Variants in AGPAT3 observed in about 807,000 individuals in gnomAD.
AGPAT3 encodes the protein 1-acylglycerol-3-phosphate O-acyltransferase 3.
AGPAT3 carries 5 observed loss-of-function variants against 47.3 expected under a neutral mutation model. The observed-to-expected ratio is 0.11, with a 90% confidence interval of 0.06 to 0.22. The LOEUF (loss-of-function observed/expected upper bound fraction) is 0.22, where lower values mean the gene tolerates loss of function less well. Ranked by LOEUF, AGPAT3 falls within the 10% of genes least tolerant of loss-of-function variation. The pLI, the probability that AGPAT3 is intolerant of heterozygous loss-of-function variation, is 1.00. For synonymous variants in AGPAT3, 212 were observed against 208.3 expected (o/e 1.02, Z -0.15); for missense variants, 315 against 493.0 (o/e 0.64, Z 3.42).
chr21:43,892,440 A>C (rs918654720), intron 1 of AGPAT3, among the ~76,000 whole-genome samples: 1 of 152,220 alleles, frequency 6.6e-6, no homozygotes, highest in East Asian at 1.9e-4. Flanking sequence ...GACCACGTGC[A>C]TTGGCAATGA....
chr21:43,885,787 G>C (rs1206907100), intron 1 of AGPAT3, among the ~76,000 whole-genome samples: 1 of 152,174 alleles, frequency 6.6e-6, no homozygotes. Flanking sequence ...ATACGGCCGG[G>C]GTTTGTGGCA....
intron 1 of AGPAT3, among the ~76,000 whole-genome samples, chr21:43,881,743 C>T (rs957126343): frequency 6.6e-6 from 1 of 152,198 alleles, no homozygotes; most frequent in African/African-American, 2.4e-5. Context: ...GCAACCTCTG[C>T]CTCCTGAGTT....
chr21:43,932,946 G>T lies in AGPAT3; in HGVS notation c.-48-26688G>T, dbSNP rs2087303976. 6.6e-6 allele frequency among the ~76,000 whole-genome samples: 1 copy of T among 152,126 alleles called. No homozygotes were observed. Among genetic ancestry groups the T allele is most frequent in the African/African-American group, 2.4e-5 (1 of 41,416 alleles). The stretch of plus-strand genomic sequence containing the variant: ...ATTACAGGTGTGAGCCACCGCCCTG[G>T]GCCAGTAGTTCCATTTTTGACTTTT... On this transcript the variant is annotated intron_variant, in intron 2 of 9. Transcript: ENST00000291572. This position sits in a 1 kb window ranked among gnomAD's most constrained non-coding sequence, Gnocchi z 5.2.
intron 1 of AGPAT3, among the ~76,000 whole-genome samples, chr21:43,868,396 T>C (rs1299009334): frequency 6.6e-6 from 1 of 152,138 alleles, no homozygotes; most frequent in Non-Finnish European, 1.5e-5. Flanking sequence ...TAGCGTGCCC[T>C]GTGTCACTTA....
At chr21:43,892,525 C>A (rs1041295236) in intron 1 of AGPAT3, among the ~76,000 whole-genome samples, 6 of 152,168 alleles carry the variant, frequency 3.9e-5, no homozygotes, top group African/African-American at 1.4e-4. Flanking sequence ...ATTCAGTAAA[C>A]CATGCTGTAA....
rs2089860270 is a variant in AGPAT3, at chr21:43,981,765, G to A, written c.1043-539G>A. On this transcript the variant is annotated intron_variant, in intron 9 of 9. Transcript: ENST00000291572. This position sits in a 1 kb window ranked among gnomAD's most constrained non-coding sequence, Gnocchi z 5.3. ...ACAGTCCGTGTGCATCGCCCCGTGA[G>A]CCGACTCCCCAGGCCCAGCAGCTGG... Among the ~76,000 whole-genome samples the A allele has an allele frequency of 6.6e-6, 1 of 152,044 alleles. No homozygotes were observed. The highest frequency in any genetic ancestry group is 2.1e-4 in the South Asian group (1 of 4,808).
rs2087190159 is a variant in AGPAT3 at position 43,930,104 on chromosome 21, G to A, written c.-49+26085G>A. Among the ~76,000 whole-genome samples, 1 of 152,198 alleles carries A rather than the reference G, an allele frequency of 6.6e-6. No homozygotes were observed. The highest frequency in any genetic ancestry group is 1.5e-5 in the Non-Finnish European group (1 of 68,036). ...CCCGTTTTCACGTTCAGGAAGTCAC[G>A]AATCCACAGTGTCTTTGAAGAAAGT... On this transcript the variant is annotated intron_variant, in intron 2 of 9. Transcript: ENST00000291572. This position sits in a 1 kb window ranked among gnomAD's most constrained non-coding sequence, Gnocchi z 5.0.
At chr21:43,938,782 G>A (rs546866934) in intron 2 of AGPAT3, among the ~76,000 whole-genome samples, 5 of 152,288 alleles carry the variant, frequency 3.3e-5, no homozygotes, top group African/African-American at 1.2e-4. Flanking sequence ...ACACAGCTGC[G>A]GAGGGTCAGG....
chr21:43,917,063 TC>T (rs1179386913), intron 2 of AGPAT3, among the ~76,000 whole-genome samples: 1 of 152,014 alleles, frequency 6.6e-6, no homozygotes, highest in Non-Finnish European at 1.5e-5. Context: ...CTGTTTCCTC[TC>T]CCCACTCCCG....
rs764614195 is a variant in AGPAT3 at position 43,969,743 on chromosome 21, G to C, written c.510+464G>C. 5.1e-4 allele frequency among the ~76,000 whole-genome samples: 78 copies of C among 152,048 alleles called. 1 individual carries two copies. Among genetic ancestry groups the C allele is most frequent in the Non-Finnish European group, 9.7e-4 (66 of 68,014 alleles). On this transcript the variant is annotated intron_variant, in intron 5 of 9. Transcript: ENST00000291572. The stretch of plus-strand genomic sequence containing the variant: ...AACGGAGTCTCGCTCTGTCGCCCAG[G>C]CTGGAGTGCAGTGGTGCAATCTCGG...
chr21:43,915,059 T>C (rs1315981136), intron 2 of AGPAT3, among the ~76,000 whole-genome samples: 1 of 152,130 alleles, frequency 6.6e-6, no homozygotes, highest in Non-Finnish European at 1.5e-5. Flanking sequence ...TGATGATTAT[T>C]TCCTCTTTTG....
At chr21:43,866,396 G>A (rs537145535) in intron 1 of AGPAT3, among the ~76,000 whole-genome samples, 164 of 152,244 alleles carry the variant, frequency 1.1e-3, no homozygotes, top group Middle Eastern at 0.01. Flanking sequence ...GAGGTGGGGC[G>A]GGCGGCGGGC....
In AGPAT3 at chr21:43,985,976, C is replaced by G. The variant is rs993645549; in HGVS notation, c.*3584C>G. 1 of 152,302 alleles carries G rather than the reference C, an allele frequency of 6.6e-6. No homozygotes were observed. Among genetic ancestry groups the G allele is most frequent in the African/African-American group, 2.4e-5 (1 of 41,454 alleles). 9.4% of individuals were successfully genotyped at this position (152,302 alleles called of 1,614,324 possible). ...TGCCCCTTTCTCTACTGAGCTAGTC[C>G]CCAAACCAAAGGCAAGCCCCCTCGG... On this transcript the variant is annotated 3_prime_UTR_variant, in exon 10 of 10. Coordinates refer to ENST00000291572, the MANE Select transcript of AGPAT3 (RefSeq NM_020132.5).
chr21:43,872,001 T>C (rs935083443), intron 1 of AGPAT3, among the ~76,000 whole-genome samples: 2 of 152,198 alleles, frequency 1.3e-5, no homozygotes, highest in African/African-American at 4.8e-5. Context: ...TATTTTTCTG[T>C]AGAAGTTGTA....
At chr21:43,901,107 T>A (rs62228708) in intron 1 of AGPAT3, among the ~76,000 whole-genome samples, 5 of 151,674 alleles carry the variant, frequency 3.3e-5, no homozygotes, top group African/African-American at 7.3e-5. Flanking sequence ...TTCAAGACCC[T>A]CTGGGGCCAC....
In AGPAT3 at chr21:43,915,176, C is replaced by T. The variant is rs545810786; in HGVS notation, c.-49+11157C>T. Among the ~76,000 whole-genome samples the T allele has an allele frequency of 2.1e-4, 31 of 150,466 alleles. 1 individual carries two copies. The South Asian group carries it at 4.0e-3, about 19-fold the overall frequency. ...AAGTGATTCTCCTGCCTCAGCCTCC[C>T]GAGTAGCTGGGATTACAGGTGCGCG... On this transcript the variant is annotated intron_variant, in intron 2 of 9. Coordinates refer to ENST00000291572, the MANE Select transcript of AGPAT3 (RefSeq NM_020132.5).
rs2089370913 is a variant in AGPAT3 at position 43,970,984 on chromosome 21, A to G, written c.664+178A>G. 6.6e-6 allele frequency among the ~76,000 whole-genome samples: 1 copy of G among 152,226 alleles called. No homozygotes were observed. The highest frequency in any genetic ancestry group is 2.1e-4 in the South Asian group (1 of 4,832). ...CCCGCGTCAGGTTTTGAGGTGATAA[A>G]ATGCTAATTCATGAGAAACAATTAA... On this transcript the variant is annotated intron_variant, in intron 6 of 9. Transcript: ENST00000291572. The surrounding 1 kb of genome is among the most constrained non-coding windows in gnomAD (Gnocchi z 5.8).
Position 43,955,899 on chromosome 21 carries a change from C to CAAA in AGPAT3, c.-48-3720_-48-3718dup, listed in dbSNP as rs58314121. ...TGGGCAACAGTGAGATAATCTGTCT[C>CAAA]AAAAAAAAAAAAAAAAATCAGATTC... On this transcript the variant is annotated intron_variant, in intron 2 of 9. Transcript: ENST00000291572. This position sits in a 1 kb window ranked among gnomAD's most constrained non-coding sequence, Gnocchi z 4.1. Among the ~76,000 whole-genome samples the CAAA allele has an allele frequency of 8.1e-3, 1,010 of 124,900 alleles. 13 individuals carry two copies. Among genetic ancestry groups the CAAA allele is most frequent in the Middle Eastern group, 0.053 (13 of 244 alleles). The allele number at this position is 124,900 out of a possible 152,430, so 81.9% of individuals were successfully genotyped here.
chr21:43,873,870 A>G (rs551292184), intron 1 of AGPAT3, among the ~76,000 whole-genome samples: 1 of 151,706 alleles, frequency 6.6e-6, no homozygotes, highest in Admixed American at 6.6e-5. Flanking sequence ...CATTTTCTCC[A>G]CTGTGTCTTT....
Sources: gnomAD v4.1 joint callset for allele counts (sites outside exome capture counted in the v4.1 genomes callset) on GRCh38, gnomAD v4.1.1 for gene constraint, Gnocchi (gnomAD v3.1) non-coding constraint, MANE v1.5 for transcripts, NCBI Gene and HGNC (gene_info 2026-07-23, HGNC 2026-07-21) for gene names.